The following FADS2 variants were observed in gnomAD, a reference collection of about 807,000 sequenced individuals.
FADS2 encodes the protein acyl-CoA 6-desaturase.
Under a neutral mutation model 61.2 loss-of-function variants are expected in FADS2, and 18 were observed. The ratio of observed to expected loss-of-function variants is 0.29; its 90% CI spans 0.20 to 0.44. The LOEUF is 0.44. Ranked by LOEUF, FADS2 falls within the 20% of genes least tolerant of loss-of-function variation. FADS2 has a pLI of 1.00. For missense variants in FADS2, 322 were observed against 572.7 expected (o/e 0.56, Z 4.47); for synonymous variants, 203 against 223.9 (o/e 0.91, Z 0.83).
At chr11:61,864,845 C>T (rs2067452471) in intron 10 of FADS2, among the ~76,000 whole-genome samples, 1 of 152,178 alleles carries the variant, frequency 6.6e-6, no homozygotes, top group Admixed American at 6.6e-5. Flanking sequence ...CTCACTGCCT[C>T]TTTTCCTAGC....
intron 5 of FADS2, 171 bp from the exon 6 acceptor site, chr11:61,856,840 G>A: frequency 1.6e-6 from 1 of 641,252 alleles, no homozygotes; most frequent in Non-Finnish European, 2.8e-6. Context: ...GGGGAGCCCA[G>A]AGGGCTGGAG....
intron 1 of FADS2, among the ~76,000 whole-genome samples, chr11:61,834,575 T>A (rs568720900): frequency 5.3e-5 from 8 of 152,278 alleles, no homozygotes; most frequent in Non-Finnish European, 1.0e-4. Context: ...TCTGCTCCCT[T>A]GGAGTTGGAA....
At chr11:61,840,160 T>C (rs1354990038) in intron 2 of FADS2, 174 bp from the exon 3 acceptor site, 1 of 629,370 alleles carries the variant, frequency 1.6e-6, no homozygotes, top group Non-Finnish European at 2.9e-6. Flanking sequence ...GTGTGGGGCA[T>C]GTGGTAACAG....
intron 2 of FADS2, 88 bp from the exon 3 acceptor site, chr11:61,840,246 C>A: frequency 2.7e-6 from 3 of 1,100,484 alleles, no homozygotes; most frequent in South Asian, 1.3e-5. Flanking sequence ...CTGGGTTGTG[C>A]ATTGGCTGTT....
chr11:61,841,901 A>C (rs1300850069), intron 4 of FADS2, among the ~76,000 whole-genome samples: 2 of 152,218 alleles, frequency 1.3e-5, no homozygotes. Flanking sequence ...CCCCTAGATA[A>C]GGAAGCAGAC....
At position 61,857,053 on chromosome 11, in the gene FADS2, C is replaced by A. The variant is rs1272145400; in HGVS notation, c.787C>A (p.His263Asn). ...GAAATACCTGCCCTACAATCACCAG[C>A]ACGAATACTTCTTCCTGAGTGAGTG... ...KLKYLPYNHQHEYFFLIGPPL... is the reference protein window; with the variant it reads ...KLKYLPYNHQNEYFFLIGPPL... The change falls in exon 6 of 12, where the codon CAC becomes AAC. Residue 263 changes from histidine to asparagine, a missense_variant. Transcript: ENST00000278840. 1 of 1,613,902 alleles carries A rather than the reference C, an allele frequency of 6.2e-7. No homozygotes were observed. Among genetic ancestry groups the A allele is most frequent in the Non-Finnish European group, 8.5e-7 (1 of 1,179,960 alleles).
In FADS2 at chr11:61,828,424, G is replaced by T. The variant is rs751465579; in HGVS notation, c.34G>T (p.Ala12Ser). ...GGGAGGGAACCAGGGCGAGGGGGCC[G>T]CCGAGCGCGAGGTGTCGGTGCCCAC... The part of the protein sequence containing the change: ...GKGGNQGEGA[A>S]EREVSVPTFS... Residue 12 changes from alanine (A) to serine (S), a missense_variant, in exon 1 of 12, where the codon GCC (alanine) becomes TCC (serine). By Grantham distance (99) the Ala-to-Ser change is moderately conservative. Transcript: ENST00000278840. This position sits in a 1 kb window ranked among gnomAD's most constrained non-coding sequence, Gnocchi z 6.4. 6.3e-7 allele frequency: 1 copy of T among 1,581,360 alleles called. No individual in the cohort carries two copies. Among genetic ancestry groups the T allele is most frequent in the Non-Finnish European group, 8.6e-7 (1 of 1,165,186 alleles).
upstream of FADS2, chr11:61,826,124 A>G (rs1003371969): frequency 5.7e-6 from 4 of 702,602 alleles, no homozygotes; most frequent in Non-Finnish European, 1.0e-5. Flanking sequence ...ACGGATGTCC[A>G]AGCCTCCTCC....
chr11:61,821,378 A>C (rs1251354811), intron 1 of FADS2: 1 of 701,484 alleles, frequency 1.4e-6, no homozygotes, highest in Non-Finnish European at 2.6e-6. Flanking sequence ...TTTCTCTCTA[A>C]AGAAAAGAAA....
chr11:61,861,619 C>T (rs2067417456), intron 7 of FADS2, among the ~76,000 whole-genome samples: 1 of 152,232 alleles, frequency 6.6e-6, no homozygotes, highest in African/African-American at 2.4e-5. Context: ...ATCTGCCTCC[C>T]TCCTCACCTT....
chr11:61,852,844 C>A (rs2067319178), intron 5 of FADS2, among the ~76,000 whole-genome samples: 2 of 151,952 alleles, frequency 1.3e-5, no homozygotes, highest in African/African-American at 2.4e-5. Flanking sequence ...ATGATCATAT[C>A]CTAGAAAATA....
At chr11:61,863,417 A>G (rs376394100) in intron 9 of FADS2, 39 bp downstream of exon 9, 16 of 1,432,184 alleles carry the variant, frequency 1.1e-5, no homozygotes, top group Admixed American at 1.7e-5. Context: ...CCTGGTCCCA[A>G]TGTCCATGTC....
Position 61,865,465 on chromosome 11 carries a change from G to T in FADS2, c.1284-173G>T. On this transcript the variant is annotated intron_variant, in intron 11 of 11. Coordinates refer to ENST00000278840, the MANE Select transcript of FADS2 (RefSeq NM_004265.4). The surrounding 1 kb of genome is among the most constrained non-coding windows in gnomAD (Gnocchi z 4.1). ...CGAGAAGACCATCCCTTTCTGTGTG[G>T]GGTTCCTGGTGGGCTCTGAGCTGAC... 1 of 962,986 alleles carries T rather than the reference G, an allele frequency of 1.0e-6. No individual in the cohort carries two copies. The highest frequency in any genetic ancestry group is 1.5e-6 in the Non-Finnish European group (1 of 646,108). 59.7% of individuals were successfully genotyped at this position (962,986 alleles called of 1,614,324 possible). A position where few individuals can be genotyped will look rare whatever the true frequency, so the allele number is the denominator to read the frequency against.
chr11:61,846,108 T>TCTAAGC (rs1476279903), intron 4 of FADS2, among the ~76,000 whole-genome samples: 1 of 151,538 alleles, frequency 6.6e-6, no homozygotes, highest in African/African-American at 2.4e-5. Flanking sequence ...TCCTCGAGCC[T>TCTAAGC]CTAAGCTTTC....
chr11:61,863,018 A>T lies in FADS2; in HGVS notation c.929A>T (p.Tyr310Phe). Reference sequence around the variant, plus strand: ...TACTACATCCGGTTCTTCATCACCTACATCCCTTTCTACGGCATCCTGGGA... The same window carrying T: ...TACTACATCCGGTTCTTCATCACCTTCATCCCTTTCTACGGCATCCTGGGA... ...VSYYIRFFIT[Y>F]IPFYGILGAL... is the part of the protein sequence containing the mutation. The change falls in exon 8 of 12, where the codon TAC (tyrosine) becomes TTC (phenylalanine). Residue 310 changes from tyrosine to phenylalanine, a missense_variant. By Grantham distance (22) the Tyr-to-Phe change is conservative. Around this residue, in one of 3 missense-constraint regions of FADS2, gnomAD observed 221 missense variants for 427.9 expected, o/e 0.52. Coordinates refer to ENST00000278840, the MANE Select transcript of FADS2 (RefSeq NM_004265.4). 6.2e-7 allele frequency: 1 copy of T among 1,614,216 alleles called. No homozygotes were observed. Among genetic ancestry groups the T allele is most frequent in the Non-Finnish European group, 8.5e-7 (1 of 1,180,028 alleles).
At chr11:61,837,326 T>C (rs1374681009) in intron 1 of FADS2, among the ~76,000 whole-genome samples, 2 of 152,196 alleles carry the variant, frequency 1.3e-5, no homozygotes, top group African/African-American at 4.8e-5. Flanking sequence ...TATTCGGTCT[T>C]GTCCTTTTCA....
At chr11:61,857,965 T>C (rs1211068315) in intron 7 of FADS2, among the ~76,000 whole-genome samples, 2 of 152,164 alleles carry the variant, frequency 1.3e-5, no homozygotes, top group African/African-American at 4.8e-5. Context: ...CACCACGAAC[T>C]GAGTGGCATA....
intron 7 of FADS2, among the ~76,000 whole-genome samples, chr11:61,860,833 A>G (rs2067407534): frequency 6.6e-6 from 1 of 152,144 alleles, no homozygotes; most frequent in Non-Finnish European, 1.5e-5. Context: ...GCTTGAGCCC[A>G]GGAGTTTGAG....
chr11:61,828,850 CA>C lies in FADS2; in HGVS notation c.207+255del, dbSNP rs5792235. 0.32 allele frequency: 156,094 copies of C among 483,830 alleles called. 28,486 individuals carry two copies. The highest frequency in any genetic ancestry group is 0.53 in the Admixed American group (14,162 of 26,580). The allele number at this position is 483,830 out of a possible 1,614,324, so 30.0% of individuals were successfully genotyped here. A position where few individuals can be genotyped will look rare whatever the true frequency, so the allele number is the denominator to read the frequency against. ...AAAGTCCCAGCGGTGGAGAACAGGGCAAGCATCTACCGCGCGCGCCGGGACC... is the reference window on the plus strand; with the variant it reads ...AAAGTCCCAGCGGTGGAGAACAGGGCAGCATCTACCGCGCGCGCCGGGACC... On this transcript the variant is annotated intron_variant, in intron 1 of 11. Coordinates refer to ENST00000278840, the MANE Select transcript of FADS2 (RefSeq NM_004265.4). The surrounding 1 kb of genome is among the most constrained non-coding windows in gnomAD (Gnocchi z 6.4).
Sources: gnomAD v4.1 joint callset for allele counts (sites outside exome capture counted in the v4.1 genomes callset) on GRCh38, gnomAD v4.1.1 for gene constraint, gnomAD v4.1.1 regional missense constraint, Gnocchi (gnomAD v3.1) non-coding constraint, MANE v1.5 for transcripts, NCBI Gene and HGNC (gene_info 2026-07-23, HGNC 2026-07-21) for gene names.